MTOR: variants seen among roughly 807,000 people sequenced by gnomAD.
The protein encoded by MTOR is serine/threonine-protein kinase mTOR.
MTOR carries 70 observed loss-of-function variants against 319.8 expected under a neutral mutation model. The ratio of observed to expected loss-of-function variants is 0.22; its 90% CI spans 0.18 to 0.27. The LOEUF is 0.27. MTOR is among the 10% of genes least tolerant of loss of function. The pLI is 1.00. For missense variants in MTOR, 1,890 were observed against 3,274.4 expected (o/e 0.58, Z 10.32); for synonymous variants, 1,183 against 1,211.4 (o/e 0.98, Z 0.49).
intron 38 of MTOR, chr1:11,131,356 G>C (rs1643148321): frequency 1.3e-5 from 2 of 156,978 alleles, no homozygotes; most frequent in African/African-American, 4.8e-5. Context: ...AGCACGCCTG[G>C]AGCAGGCACA....
intron 21 of MTOR, 102 bp from the exon 22 acceptor site, chr1:11,213,010 T>A (rs1049852630): frequency 3.6e-6 from 3 of 835,336 alleles, no homozygotes; most frequent in Non-Finnish European, 5.9e-6. Flanking sequence ...CTCTGGGGAC[T>A]GGGAAAACTC....
At chr1:11,244,136 T>C (rs1280862662) in intron 8 of MTOR, among the ~76,000 whole-genome samples, 1 of 150,840 alleles carries the variant, frequency 6.6e-6, no homozygotes, top group Non-Finnish European at 1.5e-5. Flanking sequence ...CTACTAAAAA[T>C]ACAAAATTAG....
intron 3 of MTOR, among the ~76,000 whole-genome samples, chr1:11,257,794 T>C (rs1274175679): frequency 6.6e-6 from 1 of 152,108 alleles, no homozygotes; most frequent in Non-Finnish European, 1.5e-5. Flanking sequence ...ACAGGACTGA[T>C]GACCAGTCCT....
chr1:11,239,993 A>G lies in MTOR; in HGVS notation c.1786+310T>C, dbSNP rs374618972. On this transcript the variant is annotated intron_variant, in intron 11 of 57. Transcript: ENST00000361445. ...CCCTACTTATACATTTTAAAGCATTACATACCATCTCAGCTACAAAGAAGT... is the reference window on the plus strand; with the variant it reads ...CCCTACTTATACATTTTAAAGCATTGCATACCATCTCAGCTACAAAGAAGT... Among the ~76,000 whole-genome samples the G allele has an allele frequency of 5.1e-4, 77 of 152,306 alleles. 1 individual carries two copies. Among genetic ancestry groups the G allele is most frequent in the East Asian group, 2.9e-3 (15 of 5,186 alleles).
chr1:11,237,251 T>C (rs971182590), intron 13 of MTOR, among the ~76,000 whole-genome samples: 1 of 152,060 alleles, frequency 6.6e-6, no homozygotes, highest in African/African-American at 2.4e-5. Flanking sequence ...GCCACAGATC[T>C]TACTCAGTAG....
Position 11,199,471 on chromosome 1 carries a change from T to C in MTOR, c.4108-68A>G. ...GGGGCACAAACAAGAGAAGGCTGTG[T>C]GGATGCTTCTCTCCTCCCACCAGCT... is the stretch of plus-strand genomic sequence containing the variant. On this transcript the variant is annotated intron_variant, in intron 27 of 57. Transcript: ENST00000361445. This position sits in a 1 kb window ranked among gnomAD's most constrained non-coding sequence, Gnocchi z 4.5. The C allele has an allele frequency of 6.2e-7, 1 of 1,613,536 alleles. No individual in the cohort carries two copies. The highest frequency in any genetic ancestry group is 1.1e-5 in the South Asian group (1 of 91,068).
At chr1:11,130,132 C>T (rs1460261665) in intron 39 of MTOR, among the ~76,000 whole-genome samples, 1 of 152,084 alleles carries the variant, frequency 6.6e-6, no homozygotes, top group South Asian at 2.1e-4. Context: ...GCGGCCCTGG[C>T]GCATTCTGAA....
intron 1 of MTOR, among the ~76,000 whole-genome samples, chr1:11,259,903 AAAACAAAAAC>A (rs764547925): frequency 1.1e-3 from 167 of 152,278 alleles, no homozygotes; most frequent in Non-Finnish European, 1.9e-3. Context: ...GCACTGTCTC[AAAACAAAAAC>A]AAACGAAAAC....
At chr1:11,150,046 C>T in intron 31 of MTOR, 80 bp downstream of exon 31, 4 of 1,278,678 alleles carry the variant, frequency 3.1e-6, no homozygotes, top group Non-Finnish European at 4.5e-6. Flanking sequence ...CCACCTAGAG[C>T]CAGCACCTTA....
intron 6 of MTOR, among the ~76,000 whole-genome samples, chr1:11,248,941 C>T (rs1649216481): frequency 1.3e-5 from 2 of 151,996 alleles, no homozygotes; most frequent in South Asian, 4.1e-4. Flanking sequence ...ATCACTCATC[C>T]TGAGTCAGGC....
At chr1:11,164,066 T>G (rs1423646059) in intron 29 of MTOR, among the ~76,000 whole-genome samples, 1 of 151,846 alleles carries the variant, frequency 6.6e-6, no homozygotes, top group Admixed American at 6.6e-5. Flanking sequence ...AAAGAGAGGC[T>G]AGGCGCGGTG....
intron 37 of MTOR, among the ~76,000 whole-genome samples, chr1:11,134,060 T>TA (rs76348058): frequency 2.7e-4 from 39 of 143,144 alleles, no homozygotes; most frequent in African/African-American, 2.8e-4. Flanking sequence ...AAGACCATCT[T>TA]AAAAAAAAAA....
At chr1:11,165,048 C>T (rs986382886) in intron 29 of MTOR, among the ~76,000 whole-genome samples, 2 of 152,154 alleles carry the variant, frequency 1.3e-5, no homozygotes, top group Admixed American at 6.5e-5. Flanking sequence ...AATTCAACAG[C>T]GCTTCATGCT....
At chr1:11,119,573 G>GGGAA in intron 49 of MTOR, among the ~76,000 whole-genome samples, 1 of 24,864 alleles carries the variant, frequency 4.0e-5, no homozygotes, top group African/African-American at 2.0e-4. Flanking sequence ...TCCGTCTCGA[G>GGGAA]AAAAAAAAAA....
intron 31 of MTOR, among the ~76,000 whole-genome samples, chr1:11,148,661 G>C (rs1644026704): frequency 6.6e-6 from 1 of 152,010 alleles, no homozygotes; most frequent in Non-Finnish European, 1.5e-5. Context: ...CAGCACTTTG[G>C]GAGGCCGAGG....
chr1:11,126,471 T>C (rs1642843763), intron 46 of MTOR, 151 bp downstream of exon 46: 9 of 863,484 alleles, frequency 1.0e-5, no homozygotes, highest in Non-Finnish European at 1.6e-5. Context: ...GAAATTTGCT[T>C]GCCCTCTATT....
At chr1:11,174,448 C>T (rs1644921461) in intron 28 of MTOR, among the ~76,000 whole-genome samples, 1 of 152,194 alleles carries the variant, frequency 6.6e-6, no homozygotes, top group African/African-American at 2.4e-5. Context: ...TACTAATATG[C>T]CTCCAGCCTT....
At chr1:11,156,286 G>A (rs536320212) in intron 30 of MTOR, among the ~76,000 whole-genome samples, 13 of 152,264 alleles carry the variant, frequency 8.5e-5, no homozygotes, top group East Asian at 3.9e-4. Context: ...CACTGTGCCC[G>A]GCCTGTTTTA....
intron 19 of MTOR, among the ~76,000 whole-genome samples, chr1:11,219,736 GA>G (rs553113135): frequency 1.5e-3 from 230 of 152,128 alleles, no homozygotes; most frequent in Admixed American, 2.5e-3. Flanking sequence ...AAAAAAGTGG[GA>G]ATAAGGCTGG....
Sources: gnomAD v4.1 joint callset for allele counts (sites outside exome capture counted in the v4.1 genomes callset) on GRCh38, gnomAD v4.1.1 for gene constraint, Gnocchi (gnomAD v3.1) non-coding constraint, MANE v1.5 for transcripts, NCBI Gene and HGNC (gene_info 2026-07-23, HGNC 2026-07-21) for gene names.